IMMP2L: variants seen among roughly 807,000 people sequenced by gnomAD.
IMMP2L encodes inner mitochondrial membrane peptidase subunit 2.
Under a neutral mutation model 19.3 loss-of-function variants are expected in IMMP2L, and 18 were observed. The observed-to-expected ratio is 0.93, with a 90% CI of 0.64 to 1.38. The LOEUF (loss-of-function observed/expected upper bound fraction) is 1.38, where lower values mean the gene tolerates loss of function less well. Ranked by LOEUF, IMMP2L falls within the 40% of genes most tolerant of loss-of-function variation. The probability of loss-of-function intolerance (pLI) is 0.00; values close to 1 mark genes in which losing one functional copy is unlikely to be tolerated. For synonymous variants in IMMP2L, 76 were observed against 73.0 expected (o/e 1.04, Z -0.21); for missense variants, 233 against 218.2 (o/e 1.07, Z -0.43).
intron 3 of IMMP2L, among the ~76,000 whole-genome samples, chr7:111,377,521 T>C (rs1348547692): frequency 6.6e-6 from 1 of 152,006 alleles, no homozygotes; most frequent in East Asian, 1.9e-4. Flanking sequence ...GTCATTCTAG[T>C]ACGGCTGTCA....
In IMMP2L at chr7:110,663,510, G is replaced by T. The variant is rs1046779168; in HGVS notation, c.*92C>A. On this transcript the variant is annotated 3_prime_UTR_variant, in exon 6 of 6. Coordinates refer to ENST00000405709, the MANE Select transcript of IMMP2L (RefSeq NM_032549.4). The stretch of plus-strand genomic sequence containing the variant: ...AATATTTCTCGCACAGCATCATATT[G>T]TCAGAAGTTTTTCCCTTTTGGAGGC... 2.9e-6 allele frequency: 3 copies of T among 1,035,962 alleles called. No homozygotes were observed. The African/African-American group carries it at 4.8e-5, about 17-fold the overall frequency. 64.2% of individuals were successfully genotyped at this position (1,035,962 alleles called of 1,614,324 possible).
intron 3 of IMMP2L, among the ~76,000 whole-genome samples, chr7:111,322,519 T>A (rs1413008179): frequency 2.0e-5 from 3 of 151,332 alleles, no homozygotes; most frequent in African/African-American, 7.3e-5. Context: ...TAGCTAAGTT[T>A]GAAACAATGG....
chr7:111,347,522 G>A (rs969859053), intron 3 of IMMP2L, among the ~76,000 whole-genome samples: 1 of 152,022 alleles, frequency 6.6e-6, no homozygotes, highest in Non-Finnish European at 1.5e-5. Context: ...CAGGGCAGAA[G>A]AGAGAATGGA....
At chr7:111,094,389 C>G (rs2129578369) in intron 3 of IMMP2L, among the ~76,000 whole-genome samples, 1 of 152,188 alleles carries the variant, frequency 6.6e-6, no homozygotes, top group Non-Finnish European at 1.5e-5. Flanking sequence ...CTACTTCTAG[C>G]CTCAGTAAGG....
At chr7:111,447,289 G>A (rs1838585332) in intron 3 of IMMP2L, among the ~76,000 whole-genome samples, 1 of 113,106 alleles carries the variant, frequency 8.8e-6, no homozygotes, top group Admixed American at 8.4e-5. Flanking sequence ...AGGAAAAAAT[G>A]TTAAGGGCAG....
At chr7:111,389,899 A>C (rs1323310592) in intron 3 of IMMP2L, among the ~76,000 whole-genome samples, 1 of 152,150 alleles carries the variant, frequency 6.6e-6, no homozygotes, top group Non-Finnish European at 1.5e-5. Flanking sequence ...TAAAATAAGG[A>C]TGTTAAAAGG....
At chr7:110,873,778 GAAAA>G (rs572557458) in intron 5 of IMMP2L, among the ~76,000 whole-genome samples, 1 of 118,744 alleles carries the variant, frequency 8.4e-6, no homozygotes, top group Admixed American at 8.7e-5. Context: ...TCTGTCTCAG[GAAAA>G]AAAAAAAAAA....
rs764155545 is a variant in IMMP2L, at chr7:111,124,643, A to G, written c.240-161078T>C. 20 of 1,613,926 alleles carry G rather than the reference A, an allele frequency of 1.2e-5. No individual in the cohort carries two copies. The African/African-American group carries it at 2.0e-4, about 16-fold the overall frequency. ...CCTGATCAAAAAGAGTATGAAAAGAATAATACCACAACACTTATGGCCTGT... is the reference window on the plus strand; with the variant it reads ...CCTGATCAAAAAGAGTATGAAAAGAGTAATACCACAACACTTATGGCCTGT... On this transcript the variant is annotated intron_variant, in intron 3 of 5. Transcript: ENST00000405709.
At chr7:111,165,870 A>G (rs1258828286) in intron 3 of IMMP2L, among the ~76,000 whole-genome samples, 2 of 152,030 alleles carry the variant, frequency 1.3e-5, no homozygotes, top group African/African-American at 4.8e-5. Flanking sequence ...TCAGGATTAT[A>G]GTGCATTCTC....
intron 3 of IMMP2L, chr7:111,124,450 A>G (rs1586442199): frequency 6.2e-7 from 1 of 1,613,870 alleles, no homozygotes; most frequent in Non-Finnish European, 8.5e-7. Flanking sequence ...CTTTGTCAAG[A>G]CTGAAAATTC....
chr7:110,994,488 A>G (rs1425403966), intron 3 of IMMP2L, among the ~76,000 whole-genome samples: 1 of 152,142 alleles, frequency 6.6e-6, no homozygotes, highest in Admixed American at 6.6e-5. Context: ...GCACTTCTAG[A>G]GCATGCCTTT....
chr7:110,904,383 G>T (rs1181879999), intron 4 of IMMP2L, among the ~76,000 whole-genome samples: 1 of 151,974 alleles, frequency 6.6e-6, no homozygotes, highest in African/African-American at 2.4e-5. Flanking sequence ...TTACTGTTTT[G>T]GGTTTTACAT....
At chr7:111,140,333 G>A (rs907059050) in intron 3 of IMMP2L, among the ~76,000 whole-genome samples, 1 of 152,120 alleles carries the variant, frequency 6.6e-6, no homozygotes, top group Non-Finnish European at 1.5e-5. Context: ...GGTTGGCAAA[G>A]GCAGATATGA....
At chr7:110,963,651 A>G (rs904474566) in intron 3 of IMMP2L, 86 bp from the exon 4 acceptor site, 4 of 755,726 alleles carry the variant, frequency 5.3e-6, no homozygotes, top group Middle Eastern at 3.9e-4. Flanking sequence ...AAAATAGGCT[A>G]TATTAAAGTC....
chr7:111,104,661 T>G (rs1021997231), intron 3 of IMMP2L, among the ~76,000 whole-genome samples: 4 of 151,772 alleles, frequency 2.6e-5, no homozygotes, highest in Non-Finnish European at 5.9e-5. Context: ...GAAAAATTTT[T>G]AAATGTGGAG....
intron 5 of IMMP2L, among the ~76,000 whole-genome samples, chr7:110,669,927 C>T (rs909655179): frequency 3.3e-5 from 5 of 152,138 alleles, no homozygotes; most frequent in African/African-American, 1.2e-4. Flanking sequence ...AATTGCTTCT[C>T]AATACTGCTA....
intron 5 of IMMP2L, among the ~76,000 whole-genome samples, chr7:110,839,543 T>C (rs1804845700): frequency 1.3e-5 from 2 of 151,916 alleles, no homozygotes; most frequent in Admixed American, 1.3e-4. Context: ...AAGCACTCAG[T>C]ATATATATAT....
At position 110,690,059 on chromosome 7, in the gene IMMP2L, C is replaced by T. The variant is rs575653342; in HGVS notation, c.409-26338G>A. The stretch of plus-strand genomic sequence containing the variant: ...CTTGTATCTTGGGGAAAGTTTGCTG[C>T]TTAGCCTTTCACTGAGGGGTCAGGA... On this transcript the variant is annotated intron_variant, in intron 5 of 5. Transcript: ENST00000405709. Among the ~76,000 whole-genome samples the T allele has an allele frequency of 1.8e-3, 268 of 152,276 alleles. 1 individual carries two copies. The highest frequency in any genetic ancestry group is 4.4e-3 in the South Asian group (21 of 4,824).
chr7:111,460,799 G>A (rs1840069260), intron 3 of IMMP2L, among the ~76,000 whole-genome samples: 1 of 151,640 alleles, frequency 6.6e-6, no homozygotes, highest in Non-Finnish European at 1.5e-5. Flanking sequence ...ATTAATTAAT[G>A]GTCAATATAA....
Sources: gnomAD v4.1 joint callset for allele counts (sites outside exome capture counted in the v4.1 genomes callset) on GRCh38, gnomAD v4.1.1 for gene constraint, MANE v1.5 for transcripts, NCBI Gene and HGNC (gene_info 2026-07-23, HGNC 2026-07-21) for gene names.